DNAH11: variants seen among roughly 807,000 people sequenced by gnomAD.
DNAH11 encodes dynein axonemal heavy chain 11.
In DNAH11, 442 loss-of-function variants were observed where a neutral mutation model predicts 526.0. The ratio of observed to expected loss-of-function variants is 0.84; its 90% CI spans 0.78 to 0.91. DNAH11 has a LOEUF of 0.91. Ranked by LOEUF, DNAH11 falls within the 40% of genes least tolerant of loss-of-function variation. The probability of loss-of-function intolerance (pLI) is 0.00; values close to 1 mark genes in which losing one functional copy is unlikely to be tolerated. For missense variants in DNAH11, 6,989 were observed against 5,448.7 expected (o/e 1.28, Z -8.90); for synonymous variants, 2,461 against 1,935.9 (o/e 1.27, Z -7.12).
chr7:21,887,061 C>T (rs1784150537), intron 76 of DNAH11, among the ~76,000 whole-genome samples: 1 of 152,232 alleles, frequency 6.6e-6, no homozygotes, highest in Admixed American at 6.5e-5. Context: ...ATCTGCAGGA[C>T]ATCTTTTTGC....
chr7:21,892,115 T>A (rs147225617), intron 76 of DNAH11, among the ~76,000 whole-genome samples: 104 of 152,206 alleles, frequency 6.8e-4, no homozygotes, highest in African/African-American at 2.5e-3. Flanking sequence ...AATGGGAGTG[T>A]GTTATAGGGT....
chr7:21,895,149 TGA>T (rs1166373572), intron 79 of DNAH11, 150 bp downstream of exon 79: 10 of 665,790 alleles, frequency 1.5e-5, no homozygotes, highest in Non-Finnish European at 2.5e-5. Flanking sequence ...CAATTTCATT[TGA>T]GTTTACTTGG....
chr7:21,663,725 GTCC>G (rs1325695691), intron 30 of DNAH11, among the ~76,000 whole-genome samples: 1 of 148,458 alleles, frequency 6.7e-6, no homozygotes, highest in Non-Finnish European at 1.5e-5. Flanking sequence ...TTCACATAAT[GTCC>G]TCCTGATTGT....
chr7:21,850,500 C>T (rs1782588861), intron 66 of DNAH11, among the ~76,000 whole-genome samples: 2 of 151,524 alleles, frequency 1.3e-5, no homozygotes, highest in East Asian at 3.9e-4. Flanking sequence ...TTCACTTTTC[C>T]ATTAAACCCG....
chr7:21,731,195 G>C (rs1049868344), intron 45 of DNAH11, among the ~76,000 whole-genome samples: 2 of 151,748 alleles, frequency 1.3e-5, no homozygotes, highest in Non-Finnish European at 2.9e-5. Context: ...GCTGGATTTA[G>C]CCATTGTACA....
At chr7:21,782,319 T>G (rs1373636973) in intron 57 of DNAH11, among the ~76,000 whole-genome samples, 1 of 152,186 alleles carries the variant, frequency 6.6e-6, no homozygotes, top group Non-Finnish European at 1.5e-5. Flanking sequence ...TCTTCTCCTG[T>G]TTTATAGGTT....
At chr7:21,593,906 A>ATC (rs892116325) in intron 14 of DNAH11, among the ~76,000 whole-genome samples, 3 of 151,048 alleles carry the variant, frequency 2.0e-5, no homozygotes, top group Admixed American at 6.6e-5. Context: ...CAGACACAAA[A>ATC]TCTCTCTCTC....
At chr7:21,768,562 TA>T (rs1019515151) in intron 55 of DNAH11, among the ~76,000 whole-genome samples, 2 of 152,182 alleles carry the variant, frequency 1.3e-5, no homozygotes, top group Non-Finnish European at 2.9e-5. Context: ...ACCGATGAGT[TA>T]AAATCCTCTG....
In DNAH11 at chr7:21,773,796, A is replaced by G. The variant is rs779364693; in HGVS notation, c.9133A>G (p.Met3045Val). 3.1e-6 allele frequency: 5 copies of G among 1,604,274 alleles called. No homozygotes were observed. Among genetic ancestry groups the G allele is most frequent in the Non-Finnish European group, 4.3e-6 (5 of 1,175,732 alleles). The change falls in exon 56 of 82, where the codon ATG becomes GTG. Residue 3045 changes from methionine to valine, a missense_variant. By Grantham distance (21) the Met-to-Val change is conservative (BLOSUM62 1). Transcript: ENST00000409508. Reference protein sequence around the residue: ...PVHKDSISLFMAHVHTTVNEM... With the variant: ...PVHKDSISLFVAHVHTTVNEM... Reference sequence around the variant, plus strand: ...GCACAAAGACTCTATTAGCCTTTTCATGGCACATGTTCACACCACTGTAAA... The same window carrying G: ...GCACAAAGACTCTATTAGCCTTTTCGTGGCACATGTTCACACCACTGTAAA...
intron 70 of DNAH11, among the ~76,000 whole-genome samples, chr7:21,865,744 G>A (rs1369189755): frequency 6.6e-6 from 1 of 152,324 alleles, no homozygotes; most frequent in African/African-American, 2.4e-5. Flanking sequence ...TCTGTAAAGC[G>A]AAAGCAAGTT....
chr7:21,823,130 A>T (rs910109493), intron 65 of DNAH11, among the ~76,000 whole-genome samples: 7 of 151,994 alleles, frequency 4.6e-5, no homozygotes, highest in African/African-American at 1.7e-4. Context: ...AGCTTGATGT[A>T]ATCCCATTTG....
rs1250951572 is a variant in DNAH11 at position 21,588,583 on chromosome 7, G to A, written c.1920G>A (p.Gln640=). 4 of 1,613,574 alleles carry A rather than the reference G, an allele frequency of 2.5e-6. No homozygotes were observed. Among genetic ancestry groups the A allele is most frequent in the African/African-American group, 2.7e-5 (2 of 74,920 alleles). Residue 640 remains glutamine, a synonymous_variant, in exon 11 of 82, where the codon CAG becomes CAA. Coordinates refer to ENST00000409508, the MANE Select transcript of DNAH11 (RefSeq NM_001277115.2). The part of the protein sequence containing the change: ...FTSGNMKWAQ[Q]VLQRLQMFWS... ...CAGGAAATATGAAATGGGCCCAGCA[G>A]GTTCTCCAACGACTTCAAATGTTTT...
At chr7:21,767,581 T>A (rs1787235309) in intron 55 of DNAH11, among the ~76,000 whole-genome samples, 1 of 152,322 alleles carries the variant, frequency 6.6e-6, no homozygotes, top group East Asian at 1.9e-4. Flanking sequence ...ATAGGAATTT[T>A]AAAAACACTT....
intron 61 of DNAH11, among the ~76,000 whole-genome samples, chr7:21,800,324 C>A (rs1201813527): frequency 1.3e-5 from 2 of 152,156 alleles, no homozygotes; most frequent in Non-Finnish European, 1.5e-5. Flanking sequence ...GAGTTTCAGT[C>A]CCTACGTCCA....
chr7:21,678,860 C>T (rs1175760897), intron 30 of DNAH11, among the ~76,000 whole-genome samples: 3 of 152,092 alleles, frequency 2.0e-5, no homozygotes, highest in African/African-American at 7.2e-5. Context: ...CCAAATGATC[C>T]AGCAATCTCA....
intron 68 of DNAH11, among the ~76,000 whole-genome samples, chr7:21,857,811 A>T (rs1437252443): frequency 6.6e-6 from 1 of 152,186 alleles, no homozygotes; most frequent in Non-Finnish European, 1.5e-5. Flanking sequence ...TATACTATAT[A>T]AAAAAATTCA....
rs147342135 is a variant in DNAH11 at position 21,788,319 on chromosome 7, G to T, written c.9924+736G>T. Among the ~76,000 whole-genome samples, 78 of 152,242 alleles carry T rather than the reference G, an allele frequency of 5.1e-4. No homozygotes were observed. The East Asian group carries it at 0.014, about 27-fold the overall frequency. On this transcript the variant is annotated intron_variant, in intron 60 of 81. Transcript: ENST00000409508. ...CCCAAAGTAATTTTCATAAAGCCAG[G>T]TTATTTCCTTTATACTGTGGGGCCC...
chr7:21,797,581 A>C (rs929636249), intron 61 of DNAH11, among the ~76,000 whole-genome samples: 3 of 152,188 alleles, frequency 2.0e-5, no homozygotes, highest in African/African-American at 7.2e-5. Flanking sequence ...AACTGTATTC[A>C]TGTGAGACAC....
intron 40 of DNAH11, 68 bp downstream of exon 40, chr7:21,707,903 C>A: frequency 6.8e-7 from 1 of 1,480,008 alleles, no homozygotes; most frequent in African/African-American, 1.4e-5. Flanking sequence ...TCAGTACAAG[C>A]CAATTTTAGT....
Sources: gnomAD v4.1 joint callset for allele counts (sites outside exome capture counted in the v4.1 genomes callset) on GRCh38, gnomAD v4.1.1 for gene constraint, MANE v1.5 for transcripts, NCBI Gene and HGNC (gene_info 2026-07-23, HGNC 2026-07-21) for gene names.